FAT3: variants seen among roughly 807,000 people sequenced by gnomAD.
FAT3 encodes FAT atypical cadherin 3, also known as protocadherin Fat 3.
FAT3 carries 95 observed loss-of-function variants against 310.2 expected under a neutral mutation model. The ratio of observed to expected loss-of-function variants is 0.31; its 90% CI spans 0.26 to 0.36. The LOEUF (loss-of-function observed/expected upper bound fraction) is 0.36. Ranked by LOEUF, FAT3 falls within the 10% of genes least tolerant of loss-of-function variation. The probability of loss-of-function intolerance (pLI) is 1.00; values close to 1 mark genes in which losing one functional copy is unlikely to be tolerated. For synonymous variants in FAT3, 2,314 were observed against 2,192.9 expected (o/e 1.06, Z -1.54); for missense variants, 5,408 against 5,715.6 (o/e 0.95, Z 1.74).
chr11:92,357,565 G>T (rs1948766428), intron 2 of FAT3, among the ~76,000 whole-genome samples: 1 of 152,124 alleles, frequency 6.6e-6, no homozygotes, highest in African/African-American at 2.4e-5. Context: ...TGGCTCTCCA[G>T]TGATGAACTT....
intron 3 of FAT3, among the ~76,000 whole-genome samples, chr11:92,592,391 G>A (rs1268576695): frequency 8.1e-6 from 1 of 124,172 alleles, no homozygotes; most frequent in Non-Finnish European, 1.6e-5. Context: ...GCACAATCTT[G>A]GCTTACTGCA....
At chr11:92,490,879 T>C (rs1328399968) in intron 2 of FAT3, among the ~76,000 whole-genome samples, 1 of 152,088 alleles carries the variant, frequency 6.6e-6, no homozygotes, top group Non-Finnish European at 1.5e-5. Context: ...CCTTACAAGA[T>C]AGCTAAAATT....
chr11:92,526,390 G>C (rs607995), intron 3 of FAT3, among the ~76,000 whole-genome samples: 2 of 151,972 alleles, frequency 1.3e-5, no homozygotes, highest in African/African-American at 2.4e-5. Context: ...GAGGCCACAG[G>C]TATCTTCACA....
intron 1 of FAT3, among the ~76,000 whole-genome samples, chr11:92,258,525 C>T (rs563783535): frequency 1.8e-4 from 28 of 152,080 alleles, no homozygotes; most frequent in African/African-American, 6.7e-4. Context: ...CACAGAGATG[C>T]ACTGGGAGGG....
intron 3 of FAT3, among the ~76,000 whole-genome samples, chr11:92,584,521 T>C (rs186276142): frequency 3.8e-3 from 581 of 152,120 alleles, no homozygotes; most frequent in Non-Finnish European, 5.3e-3. Flanking sequence ...CCTTAACTCA[T>C]TCATACAACC....
At chr11:92,595,723 G>A (rs1029247982) in intron 3 of FAT3, among the ~76,000 whole-genome samples, 13 of 152,214 alleles carry the variant, frequency 8.5e-5, no homozygotes, top group African/African-American at 2.7e-4. Context: ...CATTGGTAGT[G>A]TATCAGGCAT....
Position 92,882,981 on chromosome 11 carries a change from C to G in FAT3, c.12525C>G (p.Phe4175Leu), listed in dbSNP as rs750070614. Residue 4175 changes from phenylalanine to leucine, a missense_variant, in exon 24 of 28, where the codon TTC becomes TTG. Around this residue, in one of 5 missense-constraint regions of FAT3, gnomAD observed 649 missense variants for 666.2 expected, o/e 0.97. Coordinates refer to ENST00000525166, the MANE Select transcript of FAT3 (RefSeq NM_001367949.2). ...IFILVVLFIV[F>L]RKKVFRKNYS... The stretch of plus-strand genomic sequence containing the variant: ...TCCTGGTGGTTCTCTTCATAGTCTT[C>G]CGCAAGAAGGTCTTCCGCAAGAACT... 13 of 1,613,940 alleles carry G rather than the reference C, an allele frequency of 8.1e-6. No individual in the cohort carries two copies. Among genetic ancestry groups the G allele is most frequent in the Non-Finnish European group, 1.0e-5 (12 of 1,179,880 alleles).
intron 4 of FAT3, among the ~76,000 whole-genome samples, chr11:92,716,891 A>C (rs1591642776): frequency 6.6e-6 from 1 of 152,228 alleles, no homozygotes; most frequent in South Asian, 2.1e-4. Context: ...GAAGAAACCC[A>C]TTGTTGCAGG....
At chr11:92,339,153 T>G (rs905610344) in intron 1 of FAT3, among the ~76,000 whole-genome samples, 1 of 152,178 alleles carries the variant, frequency 6.6e-6, no homozygotes, top group East Asian at 1.9e-4. Context: ...TTCAACAGTA[T>G]TGACATATTA....
intron 4 of FAT3, among the ~76,000 whole-genome samples, chr11:92,761,201 A>G (rs1387091888): frequency 6.6e-6 from 1 of 152,178 alleles, no homozygotes; most frequent in African/African-American, 2.4e-5. Flanking sequence ...TCAAGGCACT[A>G]GCAGATTCAG....
intron 2 of FAT3, among the ~76,000 whole-genome samples, chr11:92,437,969 A>T (rs936804515): frequency 1.3e-5 from 2 of 152,172 alleles, no homozygotes; most frequent in Non-Finnish European, 2.9e-5. Flanking sequence ...ATGATGGCAT[A>T]CAAGAGAGAA....
chr11:92,676,569 G>C (rs1216182118), intron 3 of FAT3, among the ~76,000 whole-genome samples: 1 of 152,156 alleles, frequency 6.6e-6, no homozygotes, highest in African/African-American at 2.4e-5. Context: ...TGCCCGGCCT[G>C]AAACCGTTCC....
chr11:92,837,204 A>G (rs891582400), intron 16 of FAT3, among the ~76,000 whole-genome samples: 1 of 152,236 alleles, frequency 6.6e-6, no homozygotes, highest in African/African-American at 2.4e-5. Context: ...TGACATGGCA[A>G]TGATGCTAAA....
Position 92,636,694 on chromosome 11 carries a change from C to T in FAT3, c.3608-60690C>T, listed in dbSNP as rs139387336. ...AGCACAGTTTGGAATTTACTGAAGA[C>T]TCTGCTTTCACTGGGCTTCAGGCTT... On this transcript the variant is annotated intron_variant, in intron 3 of 27. Transcript: ENST00000525166. Among the ~76,000 whole-genome samples the T allele has an allele frequency of 2.5e-3, 383 of 152,316 alleles. 2 individuals are homozygous for T. The highest frequency in any genetic ancestry group is 8.5e-3 in the African/African-American group (353 of 41,574).
intron 2 of FAT3, among the ~76,000 whole-genome samples, chr11:92,412,884 G>A (rs1015863086): frequency 6.6e-6 from 1 of 150,714 alleles, no homozygotes; most frequent in South Asian, 2.1e-4. Flanking sequence ...CCCTATAGTC[G>A]ATATCCCCAC....
At chr11:92,391,738 T>C (rs1298176922) in intron 2 of FAT3, among the ~76,000 whole-genome samples, 1 of 152,242 alleles carries the variant, frequency 6.6e-6, no homozygotes, top group Non-Finnish European at 1.5e-5. Flanking sequence ...TGCAGTTCTG[T>C]GCTTTTAGAT....
At chr11:92,614,070 C>A (rs500518) in intron 3 of FAT3, among the ~76,000 whole-genome samples, 65 of 151,972 alleles carry the variant, frequency 4.3e-4, no homozygotes, top group Non-Finnish European at 7.9e-4. Context: ...CAGAGTGTAT[C>A]GGTATTTCAT....
intron 4 of FAT3, among the ~76,000 whole-genome samples, chr11:92,701,988 G>A (rs889316125): frequency 2.0e-5 from 3 of 152,174 alleles, no homozygotes; most frequent in Admixed American, 6.5e-5. Flanking sequence ...GGTAGTGTGG[G>A]AAAGCTCAGA....
chr11:92,886,390 C>T (rs1034404647), intron 24 of FAT3, among the ~76,000 whole-genome samples: 6 of 151,380 alleles, frequency 4.0e-5, no homozygotes, highest in South Asian at 2.1e-4. Flanking sequence ...TGTCTTTGTA[C>T]GGTAAAGAAG....
Sources: allele counts gnomAD v4.1 joint callset (sites outside exome capture counted in the v4.1 genomes callset), GRCh38; gene constraint gnomAD v4.1.1; regional missense constraint gnomAD v4.1.1; transcripts MANE v1.5; gene names NCBI Gene and HGNC (gene_info 2026-07-23, HGNC 2026-07-21).